BCAS3: variants seen among roughly 807,000 people sequenced by gnomAD.
The protein encoded by BCAS3 is BCAS4/BCAS3 fusion.
A neutral mutation model predicts 116.1 loss-of-function variants in BCAS3; 53 were observed. That is an observed-to-expected ratio of 0.46 (90% confidence interval 0.37 to 0.57). The LOEUF is 0.57. Among genes scored for constraint, BCAS3 ranks in the 20% least tolerant of loss-of-function variants. The pLI, the probability that BCAS3 is intolerant of heterozygous loss-of-function variation, is 0.00. For synonymous variants in BCAS3, 391 were observed against 408.2 expected (o/e 0.96, Z 0.51); for missense variants, 917 against 1,165.4 (o/e 0.79, Z 3.10).
At chr17:61,369,368 C>G (rs1252638602) in intron 23 of BCAS3, among the ~76,000 whole-genome samples, 1 of 152,170 alleles carries the variant, frequency 6.6e-6, no homozygotes, top group East Asian at 1.9e-4. Flanking sequence ...CTCTGTCACT[C>G]TGCTGTGCAC....
Position 60,825,523 on chromosome 17 carries a change from ATAT to A in BCAS3, c.476+17451_476+17453del, listed in dbSNP as rs1048387238. 1.1e-3 allele frequency among the ~76,000 whole-genome samples: 159 copies of A among 141,442 alleles called. 1 individual carries two copies. Among genetic ancestry groups the A allele is most frequent in the Admixed American group, 1.1e-3 (16 of 14,284 alleles). The allele number at this position is 141,442 out of a possible 152,430, so 92.8% of individuals were successfully genotyped here. ...AATAATTATTTATAATAATTTATAAATATTATAATAATTTATAAATAATTATTT... is the reference window on the plus strand; with the variant it reads ...AATAATTATTTATAATAATTTATAAATATAATAATTTATAAATAATTATTT... On this transcript the variant is annotated intron_variant, in intron 7 of 23. Coordinates refer to ENST00000407086, the MANE Select transcript of BCAS3 (RefSeq NM_017679.5).
At chr17:60,907,578 TTTTCTCACAC>T (rs1230744352) in intron 11 of BCAS3, among the ~76,000 whole-genome samples, 1 of 152,192 alleles carries the variant, frequency 6.6e-6, no homozygotes, top group Non-Finnish European at 1.5e-5. Context: ...TCATAACGGA[TTTTCTCACAC>T]TTTCGTTATA....
intron 5 of BCAS3, among the ~76,000 whole-genome samples, chr17:60,746,322 A>G (rs746416316): frequency 6.6e-6 from 1 of 152,118 alleles, no homozygotes; most frequent in Non-Finnish European, 1.5e-5. Context: ...TAAGAAAGCT[A>G]TTCTTAACTA....
rs71370187 is a variant in BCAS3, at chr17:61,089,509, CTTTTTTTTTTTTTTTTTTTTTTTT to C, written c.2425+4960_2425+4983del. Reference sequence around the variant, plus strand: ...TTTTTCTTCGAGACGGAGTTTCACTCTTTTTTTTTTTTTTTTTTTTTTTTTTTTTTTTTTTTTTGAGACGGAGTC... The same window carrying C: ...TTTTTCTTCGAGACGGAGTTTCACTCTTTTTTTTTTTTTTGAGACGGAGTC... On this transcript the variant is annotated intron_variant, in intron 22 of 23. Transcript: ENST00000407086. Among the ~76,000 whole-genome samples, 34 of 26,750 alleles carry C rather than the reference CTTTTTTTTTTTTTTTTTTTTTTTT, an allele frequency of 1.3e-3. No homozygotes were observed. The South Asian group carries it at 0.026, about 20-fold the overall frequency. 17.5% of individuals were successfully genotyped at this position (26,750 alleles called of 152,430 possible).
chr17:60,723,147 C>T (rs535273962), intron 5 of BCAS3, among the ~76,000 whole-genome samples: 1 of 152,212 alleles, frequency 6.6e-6, no homozygotes, highest in South Asian at 2.1e-4. Context: ...TCACCAATTA[C>T]GGATTTTGCC....
chr17:60,757,392 ATATGTGTGTGTGTG>A (rs1246783783), intron 6 of BCAS3, among the ~76,000 whole-genome samples: 5 of 132,696 alleles, frequency 3.8e-5, no homozygotes, highest in African/African-American at 1.4e-4. Flanking sequence ...GCCAGCATGT[ATATGTGTGTGTGTG>A]TGTGTGTGTG....
At chr17:60,827,964 A>T (rs1016105990) in intron 7 of BCAS3, among the ~76,000 whole-genome samples, 12 of 152,164 alleles carry the variant, frequency 7.9e-5, no homozygotes, top group Non-Finnish European at 4.4e-5. Context: ...TCCATCTAGA[A>T]CCAGTTCATA....
At chr17:60,767,981 G>C (rs908435885) in intron 6 of BCAS3, among the ~76,000 whole-genome samples, 1 of 152,028 alleles carries the variant, frequency 6.6e-6, no homozygotes, top group Non-Finnish European at 1.5e-5. Flanking sequence ...TAAATATTTT[G>C]TAGGAACAGG....
chr17:61,152,249 C>A (rs528482463), intron 22 of BCAS3, among the ~76,000 whole-genome samples: 1 of 152,306 alleles, frequency 6.6e-6, no homozygotes, highest in East Asian at 1.9e-4. Context: ...TTTGTCCCCT[C>A]CCATGTTCTG....
At chr17:61,135,711 C>T (rs1177299725) in intron 22 of BCAS3, among the ~76,000 whole-genome samples, 3 of 152,116 alleles carry the variant, frequency 2.0e-5, no homozygotes, top group Non-Finnish European at 4.4e-5. Context: ...TTTTATGAAA[C>T]CTGAAAATCA....
At chr17:60,871,419 T>G (rs1208457982) in intron 8 of BCAS3, among the ~76,000 whole-genome samples, 1 of 152,150 alleles carries the variant, frequency 6.6e-6, no homozygotes, top group African/African-American at 2.4e-5. Flanking sequence ...TCCTCCTGCC[T>G]TGGGCTGGGA....
chr17:61,250,753 T>C (rs1235525499), intron 22 of BCAS3, among the ~76,000 whole-genome samples: 2 of 152,226 alleles, frequency 1.3e-5, no homozygotes, highest in Non-Finnish European at 2.9e-5. Context: ...TGGATACTTG[T>C]AGACTGAGAC....
At chr17:60,931,304 C>T (rs957951867) in intron 13 of BCAS3, among the ~76,000 whole-genome samples, 2 of 151,920 alleles carry the variant, frequency 1.3e-5, no homozygotes, top group Non-Finnish European at 2.9e-5. Flanking sequence ...GAGATGGAAC[C>T]TCGCTCTGTT....
chr17:60,889,301 G>A (rs2056970381), intron 9 of BCAS3, among the ~76,000 whole-genome samples: 1 of 151,932 alleles, frequency 6.6e-6, no homozygotes, highest in South Asian at 2.1e-4. Context: ...TTTATCTTTT[G>A]CCTTTAAATT....
rs1011991179 is a variant in BCAS3 at position 61,198,154 on chromosome 17, T to C, written c.2425+113590T>C. On this transcript the variant is annotated intron_variant, in intron 22 of 23. Transcript: ENST00000407086. This position sits in a 1 kb window ranked among gnomAD's most constrained non-coding sequence, Gnocchi z 5.0. ...TATGTTTTTTTTTTTTCTTTTTTTT[T>C]TTTTGAGACGGAGTCTCACTCTGTC... 1.3e-5 allele frequency among the ~76,000 whole-genome samples: 2 copies of C among 151,848 alleles called. No individual in the cohort carries two copies. Among genetic ancestry groups the C allele is most frequent in the South Asian group, 4.2e-4 (2 of 4,784 alleles).
Position 61,023,980 on chromosome 17 carries a change from T to TA in BCAS3, c.1637+8080dup, listed in dbSNP as rs1254224449. 1.3e-5 allele frequency among the ~76,000 whole-genome samples: 2 copies of TA among 152,192 alleles called. No individual in the cohort carries two copies. Among genetic ancestry groups the TA allele is most frequent in the African/African-American group, 4.8e-5 (2 of 41,448 alleles). On this transcript the variant is annotated intron_variant, in intron 16 of 23. Coordinates refer to ENST00000407086, the MANE Select transcript of BCAS3 (RefSeq NM_017679.5). This position sits in a 1 kb window ranked among gnomAD's most constrained non-coding sequence, Gnocchi z 4.8. The stretch of plus-strand genomic sequence containing the variant: ...TAGTAATTTGGGTTGCCTCTGTTAA[T>TA]ACAGAGAATATTTCATTCAGTATAC...
chr17:61,121,216 A>C (rs2041677225), intron 22 of BCAS3, among the ~76,000 whole-genome samples: 1 of 152,282 alleles, frequency 6.6e-6, no homozygotes, highest in Admixed American at 6.5e-5. Flanking sequence ...TCTGAGAGAG[A>C]GAGCTAGAGA....
rs1447004960 is a variant in BCAS3, at chr17:61,265,658, G to A, written c.2426-102669G>A. On this transcript the variant is annotated intron_variant, in intron 22 of 23. Coordinates refer to ENST00000407086, the MANE Select transcript of BCAS3 (RefSeq NM_017679.5). The surrounding 1 kb of genome is among the most constrained non-coding windows in gnomAD (Gnocchi z 4.3). Reference sequence around the variant, plus strand: ...AAGCAAGCTCACTTGATAAAGAAATGAATTTCAGGATTTAACTATGTAACA... The same window carrying A: ...AAGCAAGCTCACTTGATAAAGAAATAAATTTCAGGATTTAACTATGTAACA... Among the ~76,000 whole-genome samples the A allele has an allele frequency of 6.6e-6, 1 of 150,750 alleles. No individual in the cohort carries two copies. Among genetic ancestry groups the A allele is most frequent in the Non-Finnish European group, 1.5e-5 (1 of 67,842 alleles).
intron 22 of BCAS3, among the ~76,000 whole-genome samples, chr17:61,350,786 C>G (rs182141463): frequency 6.6e-6 from 1 of 152,122 alleles, no homozygotes; most frequent in Non-Finnish European, 1.5e-5. Flanking sequence ...GCATGTGCCA[C>G]CACACCTGGC....
Sources: allele counts gnomAD v4.1 joint callset (sites outside exome capture counted in the v4.1 genomes callset), GRCh38; gene constraint gnomAD v4.1.1; non-coding constraint Gnocchi (gnomAD v3.1); transcripts MANE v1.5; gene names NCBI Gene and HGNC (gene_info 2026-07-23, HGNC 2026-07-21).